The following ST6GAL1 variants were observed in gnomAD, a reference collection of about 807,000 sequenced individuals.
ST6GAL1 encodes ST6 beta-galactoside alpha-2,6-sialyltransferase 1, also known as beta-galactoside alpha-2,6-sialyltransferase 1.
In ST6GAL1, 20 loss-of-function variants were observed where a neutral mutation model predicts 38.0. The observed-to-expected ratio is 0.53, with a 90% CI of 0.37 to 0.77. The LOEUF is 0.77. ST6GAL1 is among the 30% of genes least tolerant of loss of function. The pLI is 0.00. For missense variants in ST6GAL1, 432 were observed against 496.4 expected (o/e 0.87, Z 1.23); for synonymous variants, 196 against 188.2 (o/e 1.04, Z -0.34).
chr3:187,036,585 C>T (rs1717939449), intron 2 of ST6GAL1, among the ~76,000 whole-genome samples: 1 of 152,152 alleles, frequency 6.6e-6, no homozygotes, highest in South Asian at 2.1e-4. Flanking sequence ...AGAACAAAGC[C>T]ATGCCCTTTG....
rs972508939 is a variant in ST6GAL1 at position 187,078,398 on chromosome 3, T to C, written c.*2595T>C. 1.3e-5 allele frequency: 2 copies of C among 152,222 alleles called. No individual in the cohort carries two copies. The highest frequency in any genetic ancestry group is 2.9e-5 in the Non-Finnish European group (2 of 68,032). The allele number at this position is 152,222 out of a possible 1,614,324, so 9.4% of individuals were successfully genotyped here. ...CTTCTTTGATAGCCATCTATTCATC[T>C]GGATCATGGGACCCTCTCTAATCCT... On this transcript the variant is annotated 3_prime_UTR_variant, in exon 8 of 8. Coordinates refer to ENST00000169298, the MANE Select transcript of ST6GAL1 (RefSeq NM_173216.2).
intron 1 of ST6GAL1, among the ~76,000 whole-genome samples, chr3:186,931,777 T>C (rs928064225): frequency 1.3e-5 from 2 of 152,234 alleles, no homozygotes; most frequent in African/African-American, 2.4e-5. Context: ...TAGCCCCTTT[T>C]GGCTTGTTAA....
rs563477196 is a variant in ST6GAL1, at chr3:187,031,879, A to G, written c.-182-6863A>G. On this transcript the variant is annotated intron_variant, in intron 2 of 7. Coordinates refer to ENST00000169298, the MANE Select transcript of ST6GAL1 (RefSeq NM_173216.2). ...TTGCTCAAAGTCAGGTAGCTGGTGA[A>G]AGGCAGTTTGGGCTCTTGTCTTGAT... 5.3e-5 allele frequency among the ~76,000 whole-genome samples: 8 copies of G among 152,340 alleles called. No homozygotes were observed. The South Asian group carries it at 1.4e-3, about 28-fold the overall frequency.
At chr3:187,048,020 GCAAGCT>G (rs532094844) in intron 4 of ST6GAL1, among the ~76,000 whole-genome samples, 40 of 150,458 alleles carry the variant, frequency 2.7e-4, no homozygotes, top group Non-Finnish European at 4.1e-4. Context: ...TTGGCTCACT[GCAAGCT>G]CCACCTCCTG....
chr3:187,034,889 TG>T (rs1381351216), intron 2 of ST6GAL1, among the ~76,000 whole-genome samples: 1 of 152,204 alleles, frequency 6.6e-6, no homozygotes, highest in Non-Finnish European at 1.5e-5. Flanking sequence ...AACATAGTAT[TG>T]GAAGTGCTGT....
rs558822020 is a variant in ST6GAL1, at chr3:186,948,406, C to G, written c.-324-15379C>G. ...GACAACACTTATCAAACTGGGCGGG[C>G]AGCCAGACCTCTGCTCTGAGCTAGT... On this transcript the variant is annotated intron_variant, in intron 1 of 7. Transcript: ENST00000169298. Among the ~76,000 whole-genome samples the G allele has an allele frequency of 3.3e-5, 5 of 152,300 alleles. No homozygotes were observed. The East Asian group carries it at 9.7e-4, about 29-fold the overall frequency.
chr3:187,034,720 G>A (rs1461771979), intron 2 of ST6GAL1, among the ~76,000 whole-genome samples: 2 of 151,992 alleles, frequency 1.3e-5, no homozygotes. Context: ...CATCAAAAAA[G>A]CCTTCAAGAA....
At chr3:187,051,615 A>G (rs1035473308) in intron 5 of ST6GAL1, 4 of 399,228 alleles carry the variant, frequency 1.0e-5, no homozygotes, top group Non-Finnish European at 1.9e-5. Context: ...TTGCTGCTGC[A>G]AGGTCATACC....
At chr3:186,949,462 C>T (rs10513809) in intron 1 of ST6GAL1, among the ~76,000 whole-genome samples, 6,993 of 152,220 alleles carry the variant, frequency 0.046, 185 homozygotes, top group East Asian at 0.068. Flanking sequence ...GGGCTTGTGA[C>T]GGCTCCTTTT....
intron 2 of ST6GAL1, among the ~76,000 whole-genome samples, chr3:186,984,869 G>A (rs553524705): frequency 9.7e-6 from 1 of 102,882 alleles, no homozygotes; most frequent in African/African-American, 4.0e-5. Context: ...CCTTCCTTCC[G>A]TCCTTCCTTC....
At chr3:186,965,101 C>A (rs1257705596) in intron 2 of ST6GAL1, among the ~76,000 whole-genome samples, 1 of 152,210 alleles carries the variant, frequency 6.6e-6, no homozygotes, top group Non-Finnish European at 1.5e-5. Context: ...CCCCCTTTGG[C>A]TCTTGCTCCT....
intron 2 of ST6GAL1, among the ~76,000 whole-genome samples, chr3:187,029,343 G>T (rs1266821795): frequency 1.3e-5 from 2 of 152,130 alleles, no homozygotes; most frequent in Non-Finnish European, 2.9e-5. Context: ...ACTTTCTTAA[G>T]TAAACAATAA....
At chr3:186,956,781 C>T (rs573827867) in intron 1 of ST6GAL1, among the ~76,000 whole-genome samples, 50 of 152,360 alleles carry the variant, frequency 3.3e-4, no homozygotes, top group African/African-American at 1.2e-3. Flanking sequence ...GCACACAGAA[C>T]ATCCGGTCAG....
intron 1 of ST6GAL1, among the ~76,000 whole-genome samples, chr3:186,958,051 TAAAA>T (rs112067764): frequency 7.1e-6 from 1 of 141,370 alleles, no homozygotes; most frequent in Non-Finnish European, 1.6e-5. Context: ...TTTTAAGAAT[TAAAA>T]AAAAAAAAAA....
chr3:187,009,277 G>A (rs1461863282), intron 2 of ST6GAL1, among the ~76,000 whole-genome samples: 9 of 151,968 alleles, frequency 5.9e-5, no homozygotes, highest in East Asian at 1.9e-4. Context: ...TACTATGGTC[G>A]TATTTTTTTA....
rs796646677 is a variant in ST6GAL1, at chr3:187,022,360, G to T, written c.-182-16382G>T. Among the ~76,000 whole-genome samples the T allele has an allele frequency of 7.2e-5, 11 of 152,168 alleles. No homozygotes were observed. In the South Asian group the frequency reaches 1.2e-3, roughly 17 times the overall value. ...GAGTTTTCCCTACACAGGGACTTGGGGGGTAGAGGGTTAGGGGAGGGCTGA... is the reference window on the plus strand; with the variant it reads ...GAGTTTTCCCTACACAGGGACTTGGTGGGTAGAGGGTTAGGGGAGGGCTGA... On this transcript the variant is annotated intron_variant, in intron 2 of 7. Coordinates refer to ENST00000169298, the MANE Select transcript of ST6GAL1 (RefSeq NM_173216.2).
intron 2 of ST6GAL1, among the ~76,000 whole-genome samples, chr3:187,013,847 C>A (rs1002369529): frequency 2.0e-5 from 3 of 152,100 alleles, no homozygotes; most frequent in Non-Finnish European, 2.9e-5. Context: ...GGCCTCCCAA[C>A]GTGCTGGGAT....
chr3:186,989,077 C>T (rs1716060899), intron 2 of ST6GAL1, among the ~76,000 whole-genome samples: 3 of 152,118 alleles, frequency 2.0e-5, no homozygotes. Flanking sequence ...TCTTGTTTTA[C>T]AGTAATTGGG....
Position 186,952,614 on chromosome 3 carries a change from C to T in ST6GAL1, c.-324-11171C>T, listed in dbSNP as rs1714620958. 1.3e-5 allele frequency among the ~76,000 whole-genome samples: 2 copies of T among 152,152 alleles called. No homozygotes were observed. Among genetic ancestry groups the T allele is most frequent in the South Asian group, 2.1e-4 (1 of 4,834 alleles). The stretch of plus-strand genomic sequence containing the variant: ...CCGCCTCCCGGGTTCAAGCGCTTCT[C>T]TGTTGGCTCATTTTCACTTGGTCAC... On this transcript the variant is annotated intron_variant, in intron 1 of 7. Transcript: ENST00000169298. The surrounding 1 kb of genome is among the most constrained non-coding windows in gnomAD (Gnocchi z 4.1).
Sources: allele counts gnomAD v4.1 joint callset (sites outside exome capture counted in the v4.1 genomes callset), GRCh38; gene constraint gnomAD v4.1.1; non-coding constraint Gnocchi (gnomAD v3.1); transcripts MANE v1.5; gene names NCBI Gene and HGNC (gene_info 2026-07-23, HGNC 2026-07-21).